The following DAB1 variants were observed in gnomAD, a reference collection of about 807,000 sequenced individuals.
DAB1 encodes the protein DAB adaptor protein 1.
In DAB1, 15 loss-of-function variants were observed where a neutral mutation model predicts 64.6. The observed-to-expected ratio is 0.23, with a 90% CI of 0.16 to 0.36. The LOEUF (loss-of-function observed/expected upper bound fraction) is 0.36. Among genes scored for constraint, DAB1 ranks in the 10% least tolerant of loss-of-function variants. The pLI, the probability that DAB1 is intolerant of heterozygous loss-of-function variation, is 1.00. For synonymous variants in DAB1, 235 were observed against 251.9 expected (o/e 0.93, Z 0.64); for missense variants, 596 against 706.7 (o/e 0.84, Z 1.78).
intron 1 of DAB1, among the ~76,000 whole-genome samples, chr1:57,379,906 T>C (rs964440063): frequency 6.6e-5 from 10 of 152,368 alleles, no homozygotes; most frequent in African/African-American, 1.9e-4. Context: ...TTCACCATTC[T>C]GATGCCAGTT....
At chr1:57,965,941 G>C (rs79556091) in intron 5 of DAB1, among the ~76,000 whole-genome samples, 14,547 of 152,158 alleles carry the variant, frequency 0.096, 963 homozygotes, top group Non-Finnish European at 0.13. Flanking sequence ...TAAATGGCGG[G>C]GGGGGAGAGG....
intron 6 of DAB1, among the ~76,000 whole-genome samples, chr1:57,798,964 G>A (rs1650998986): frequency 6.6e-6 from 1 of 152,206 alleles, no homozygotes. Context: ...GTCACCAGCT[G>A]TCATGCAAGA....
chr1:57,389,247 T>C (rs1682135407), intron 1 of DAB1, among the ~76,000 whole-genome samples: 1 of 152,206 alleles, frequency 6.6e-6, no homozygotes, highest in Non-Finnish European at 1.5e-5. Flanking sequence ...CACCTTCTAC[T>C]CCAGACTGAT....
At chr1:57,459,197 G>A (rs1054660209) in intron 7 of DAB1, among the ~76,000 whole-genome samples, 2 of 151,948 alleles carry the variant, frequency 1.3e-5, no homozygotes, top group Non-Finnish European at 2.9e-5. Context: ...TAAACTCCAT[G>A]TTTTTCACTT....
At chr1:57,693,537 G>C (rs1212497090) in intron 6 of DAB1, among the ~76,000 whole-genome samples, 1 of 152,186 alleles carries the variant, frequency 6.6e-6, no homozygotes, top group Admixed American at 6.5e-5. Context: ...CAGGATGTGG[G>C]TGGGGCCAAA....
intron 6 of DAB1, among the ~76,000 whole-genome samples, chr1:57,736,014 C>T (rs140307811): frequency 1.3e-4 from 20 of 152,168 alleles, no homozygotes; most frequent in Non-Finnish European, 2.8e-4. Context: ...ATTCAAATGC[C>T]ACCCATCTGT....
At chr1:58,071,976 A>G (rs1348029479) in intron 5 of DAB1, among the ~76,000 whole-genome samples, 2 of 151,758 alleles carry the variant, frequency 1.3e-5, no homozygotes, top group Non-Finnish European at 2.9e-5. Flanking sequence ...CTAGTAAGGA[A>G]CATGCAAAAG....
chr1:57,687,219 C>T (rs1041534927), intron 6 of DAB1, among the ~76,000 whole-genome samples: 2 of 151,916 alleles, frequency 1.3e-5, no homozygotes, highest in African/African-American at 4.8e-5. Context: ...AATCAGAGTA[C>T]AAAAATCAGT....
intron 7 of DAB1, among the ~76,000 whole-genome samples, chr1:57,438,414 A>G (rs1389807020): frequency 6.6e-6 from 1 of 152,132 alleles, no homozygotes; most frequent in African/African-American, 2.4e-5. Flanking sequence ...CCTATGGCCA[A>G]TAACCATACT....
intron 5 of DAB1, among the ~76,000 whole-genome samples, chr1:58,144,610 A>G (rs927021257): frequency 1.3e-5 from 2 of 152,256 alleles, no homozygotes; most frequent in African/African-American, 4.8e-5. Context: ...AGTGACTTGC[A>G]CTAGGTCGCA....
At chr1:57,619,555 A>C (rs1645831134) in intron 7 of DAB1, among the ~76,000 whole-genome samples, 1 of 152,042 alleles carries the variant, frequency 6.6e-6, no homozygotes, top group Admixed American at 6.6e-5. Flanking sequence ...GCATGCTACC[A>C]GGCCTGGCTA....
At chr1:57,382,744 T>C (rs1236019525) in intron 1 of DAB1, among the ~76,000 whole-genome samples, 2 of 152,114 alleles carry the variant, frequency 1.3e-5, no homozygotes, top group Non-Finnish European at 2.9e-5. Flanking sequence ...ATTCAGATGG[T>C]TCGATTGGTC....
chr1:58,254,606 A>T (rs1195641613), intron 4 of DAB1, among the ~76,000 whole-genome samples: 1 of 71,860 alleles, frequency 1.4e-5, no homozygotes, highest in African/African-American at 6.6e-5. Flanking sequence ...ATGTGATCTC[A>T]TTGTTCAATT....
chr1:57,086,644 AACACACACAC>A (rs368060919), intron 4 of DAB1, among the ~76,000 whole-genome samples: 73 of 118,612 alleles, frequency 6.2e-4, no homozygotes, highest in African/African-American at 1.8e-3. Flanking sequence ...TTCTGTCTTA[AACACACACAC>A]ACACACACAC....
At chr1:57,947,840 C>T (rs562609315) in intron 5 of DAB1, among the ~76,000 whole-genome samples, 17 of 152,286 alleles carry the variant, frequency 1.1e-4, no homozygotes, top group Admixed American at 2.6e-4. Context: ...AAGTTCAGAT[C>T]GTCAGTATGT....
chr1:57,924,626 ATT>A (rs34750244), intron 5 of DAB1, among the ~76,000 whole-genome samples: 308 of 131,774 alleles, frequency 2.3e-3, no homozygotes, highest in Middle Eastern at 3.9e-3. Context: ...CACTTGGCTA[ATT>A]TTTTTTTTTT....
chr1:57,573,736 T>C (rs1645218165), intron 7 of DAB1, among the ~76,000 whole-genome samples: 1 of 152,240 alleles, frequency 6.6e-6, no homozygotes, highest in Non-Finnish European at 1.5e-5. Flanking sequence ...GAGAAGTTGC[T>C]GGAATGTGGC....
At chr1:58,301,134 A>G (rs1662159879) in intron 4 of DAB1, among the ~76,000 whole-genome samples, 1 of 150,248 alleles carries the variant, frequency 6.7e-6, no homozygotes, top group Non-Finnish European at 1.5e-5. Context: ...GCTGGCAACC[A>G]CTAGATCACC....
At chr1:57,568,876 C>G (rs1226841029) in intron 7 of DAB1, among the ~76,000 whole-genome samples, 1 of 152,164 alleles carries the variant, frequency 6.6e-6, no homozygotes, top group South Asian at 2.1e-4. Flanking sequence ...GTGGCAATTC[C>G]TCAGGGATCT....
Sources: gnomAD v4.1 joint callset for allele counts (sites outside exome capture counted in the v4.1 genomes callset) on GRCh38, gnomAD v4.1.1 for gene constraint, MANE v1.5 for transcripts, NCBI Gene and HGNC (gene_info 2026-07-23, HGNC 2026-07-21) for gene names.